The following CHURC1 variants were observed in gnomAD, a reference collection of about 807,000 sequenced individuals.
CHURC1 encodes the protein protein Churchill.
Under a neutral mutation model 15.4 loss-of-function variants are expected in CHURC1, and 12 were observed. The observed-to-expected ratio is 0.78, with a 90% CI of 0.50 to 1.27. CHURC1 has a LOEUF of 1.27. Among genes scored for constraint, CHURC1 ranks in the 50% most tolerant of loss-of-function variants. CHURC1 has a pLI of 0.00. For synonymous variants in CHURC1, 42 were observed against 47.5 expected, an observed-to-expected ratio of 0.88 and a Z score of 0.48; for missense variants, 132 against 137.8, an observed-to-expected ratio of 0.96 and a Z score of 0.21.
rs186097341 is a variant in CHURC1, at chr14:64,926,670, G to T, written c.246+590G>T. Among the ~76,000 whole-genome samples, 6 of 152,236 alleles carry T rather than the reference G, an allele frequency of 3.9e-5. No homozygotes were observed. In the East Asian group the frequency reaches 1.2e-3, roughly 29 times the overall value. The stretch of plus-strand genomic sequence containing the variant: ...TTTTCCCAAGTTGACATGTAGAGTT[G>T]AACAACTCTGCAGTCTCATTTGTGG... On this transcript the variant is annotated intron_variant, in intron 3 of 3. Coordinates refer to ENST00000549115, the MANE Select transcript of CHURC1 (RefSeq NM_001386928.1).
chr14:64,917,883 T>C (rs771660504), intron 1 of CHURC1, among the ~76,000 whole-genome samples: 7 of 152,124 alleles, frequency 4.6e-5, no homozygotes, highest in Admixed American at 1.3e-4. Flanking sequence ...AAAAACAAAA[T>C]TGGGGACAAA....
intron 3 of CHURC1, chr14:64,930,695 A>C (rs1442439468): frequency 2.6e-6 from 1 of 380,186 alleles, no homozygotes; most frequent in Non-Finnish European, 5.1e-6. Flanking sequence ...ACTCAGTATA[A>C]ATTTGTCAAT....
intron 3 of CHURC1, chr14:64,930,707 G>T: frequency 2.5e-6 from 1 of 393,672 alleles, no homozygotes; most frequent in Non-Finnish European, 4.9e-6. Context: ...TTTGTCAATG[G>T]CTAGATTGGT....
chr14:64,928,328 G>C (rs113714810), intron 3 of CHURC1, among the ~76,000 whole-genome samples: 2 of 152,302 alleles, frequency 1.3e-5, no homozygotes, highest in African/African-American at 4.8e-5. Context: ...GCTCCCTGCA[G>C]CCTTGACCTC....
intron 3 of CHURC1, among the ~76,000 whole-genome samples, chr14:64,930,561 A>G (rs1432543006): frequency 6.6e-6 from 1 of 152,184 alleles, no homozygotes; most frequent in Admixed American, 6.5e-5. Flanking sequence ...AATCAGTCTC[A>G]CTGATTTAAT....
In CHURC1 at chr14:64,935,087, A is replaced by G. The variant is rs187064221; in HGVS notation, c.*2857A>G. The G allele has an allele frequency of 0.015, 10,646 of 714,390 alleles. 91 individuals are homozygous for G. Among genetic ancestry groups the G allele is most frequent in the Non-Finnish European group, 0.017 (9,777 of 583,276 alleles). The allele number at this position is 714,390 out of a possible 1,614,324, so 44.3% of individuals were successfully genotyped here. A position where few individuals can be genotyped will look rare whatever the true frequency, so the allele number is the denominator to read the frequency against. On this transcript the variant is annotated 3_prime_UTR_variant, in exon 4 of 4. Transcript: ENST00000549115. The stretch of plus-strand genomic sequence containing the variant: ...TTCTCAGTAAACTATCGCAAGGACA[A>G]AAAACCAAACACCACATGTTCTCAC...
intron 2 of CHURC1, 120 bp downstream of exon 2, chr14:64,924,246 G>C: frequency 1.7e-6 from 2 of 1,206,202 alleles, no homozygotes; most frequent in Non-Finnish European, 2.1e-6. Context: ...ATAATTACTA[G>C]TTAGGTCTTT....
rs1039416528 is a variant in CHURC1 at position 64,933,426 on chromosome 14, G to A, written c.*1196G>A. On this transcript the variant is annotated 3_prime_UTR_variant, in exon 4 of 4. Coordinates refer to ENST00000549115, the MANE Select transcript of CHURC1 (RefSeq NM_001386928.1). ...AATATCTTACTTTGCATAGTTTCAT[G>A]AGCACTGGCCAGGAGGTTATAAACT... The A allele has an allele frequency of 1.0e-6, 1 of 985,466 alleles. No individual in the cohort carries two copies. The highest frequency in any genetic ancestry group is 1.7e-5 in the African/African-American group (1 of 57,376). The allele number at this position is 985,466 out of a possible 1,614,324, so 61.0% of individuals were successfully genotyped here.
At chr14:64,931,629 A>G (rs1000641784) in intron 3 of CHURC1, among the ~76,000 whole-genome samples, 26 of 152,198 alleles carry the variant, frequency 1.7e-4, no homozygotes, top group African/African-American at 5.8e-4. Context: ...CTGGGAAACA[A>G]ACTTCTTAAA....
At position 64,922,415 on chromosome 14, in the gene CHURC1, A is replaced by G. The variant is rs532879463; in HGVS notation, c.40-1576A>G. Among the ~76,000 whole-genome samples, 3 of 151,906 alleles carry G rather than the reference A, an allele frequency of 2.0e-5. No individual in the cohort carries two copies. In the South Asian group the frequency reaches 6.3e-4, roughly 32 times the overall value. Reference sequence around the variant, plus strand: ...AGCATAGTGAAACCCCATCTCTACTAAAAATACGAAAAATTAGCAGGGCGT... The same window carrying G: ...AGCATAGTGAAACCCCATCTCTACTGAAAATACGAAAAATTAGCAGGGCGT... On this transcript the variant is annotated intron_variant, in intron 1 of 3. Transcript: ENST00000549115.
Position 64,934,151 on chromosome 14 carries a change from G to A in CHURC1, c.*1921G>A, listed in dbSNP as rs914374759. The A allele has an allele frequency of 1.4e-5, 9 of 646,912 alleles. No homozygotes were observed. Among genetic ancestry groups the A allele is most frequent in the South Asian group, 1.4e-4 (2 of 14,170 alleles). 40.1% of individuals were successfully genotyped at this position (646,912 alleles called of 1,614,324 possible). ...TGAGGTCAGGAGTTTGAGACCAGCC[G>A]GGCCAACATGGTGCAACCTCGTCTT... On this transcript the variant is annotated 3_prime_UTR_variant, in exon 4 of 4. Coordinates refer to ENST00000549115, the MANE Select transcript of CHURC1 (RefSeq NM_001386928.1).
chr14:64,926,183 C>A (rs1286060483), intron 3 of CHURC1, 103 bp downstream of exon 3: 1 of 572,440 alleles, frequency 1.7e-6, no homozygotes, highest in Non-Finnish European at 2.8e-6. Context: ...AAGTGCAAAG[C>A]GTTAGCATAT....
chr14:64,924,276 C>T (rs1218477884), intron 2 of CHURC1, 150 bp downstream of exon 2: 4 of 880,780 alleles, frequency 4.5e-6, no homozygotes, highest in Non-Finnish European at 6.1e-6. Context: ...ATGTCATTAA[C>T]ACCTCATTTA....
In CHURC1 at chr14:64,932,288, T is replaced by C; in HGVS notation, c.*58T>C. On this transcript the variant is annotated 3_prime_UTR_variant, in exon 4 of 4. Transcript: ENST00000549115. ...GTGTTGGTTTACAATACAGCAAGCC[T>C]GATGGTTTGTCTTATTTCATTCATA... 6.3e-7 allele frequency: 1 copy of C among 1,581,472 alleles called. No homozygotes were observed. The highest frequency in any genetic ancestry group is 2.3e-5 in the East Asian group (1 of 44,234).
chr14:64,926,743 T>G (rs1188172605), intron 3 of CHURC1, among the ~76,000 whole-genome samples: 5 of 152,172 alleles, frequency 3.3e-5, no homozygotes, highest in African/African-American at 1.2e-4. Context: ...GTGTGTACCA[T>G]GGTTGGAGGA....
In CHURC1 at chr14:64,924,146, T is replaced by C; in HGVS notation, c.175+20T>C. 6.3e-7 allele frequency: 1 copy of C among 1,592,724 alleles called. No individual in the cohort carries two copies. The highest frequency in any genetic ancestry group is 8.6e-7 in the Non-Finnish European group (1 of 1,168,222). ...ATGATCGTAAGTAGACTTTATTTTT[T>C]AACCTGAGTGTGTTAGCAGGTGTCA... is the stretch of plus-strand genomic sequence containing the variant. On this transcript the variant is annotated intron_variant, in intron 2 of 3. Coordinates refer to ENST00000549115, the MANE Select transcript of CHURC1 (RefSeq NM_001386928.1).
At chr14:64,929,127 A>G (rs1884927354) in intron 3 of CHURC1, among the ~76,000 whole-genome samples, 1 of 152,124 alleles carries the variant, frequency 6.6e-6, no homozygotes, top group African/African-American at 2.4e-5. Flanking sequence ...GCACACTGCC[A>G]TCAAGTTAAT....
Position 64,921,976 on chromosome 14 carries a change from G to T in CHURC1, c.40-2015G>T, listed in dbSNP as rs78446306. On this transcript the variant is annotated intron_variant, in intron 1 of 3. Coordinates refer to ENST00000549115, the MANE Select transcript of CHURC1 (RefSeq NM_001386928.1). The stretch of plus-strand genomic sequence containing the variant: ...CAGTACCTAGAACAACAGTGATGAT[G>T]AACATAGGCATTATATCGAGCAAGG... Among the ~76,000 whole-genome samples, 311 of 152,304 alleles carry T rather than the reference G, an allele frequency of 2.0e-3. 3 individuals are homozygous for T. Among genetic ancestry groups the T allele is most frequent in the African/African-American group, 7.3e-3 (304 of 41,564 alleles).
rs1035592422 is a variant in CHURC1 at position 64,932,590 on chromosome 14, A to G, written c.*360A>G. The G allele has an allele frequency of 1.6e-5, 6 of 381,322 alleles. No homozygotes were observed. In the Admixed American group the frequency reaches 1.8e-4, roughly 12 times the overall value. The allele number at this position is 381,322 out of a possible 1,614,324, so 23.6% of individuals were successfully genotyped here. ...ATTCTAGAACTGGGATATGAACTGT[A>G]CAAGATGAGCCTAGAGTATCTTGTG... On this transcript the variant is annotated 3_prime_UTR_variant, in exon 4 of 4. Transcript: ENST00000549115.
Sources: gnomAD v4.1 joint callset for allele counts (sites outside exome capture counted in the v4.1 genomes callset) on GRCh38, gnomAD v4.1.1 for gene constraint, MANE v1.5 for transcripts, NCBI Gene and HGNC (gene_info 2026-07-23, HGNC 2026-07-21) for gene names.